IL1RAPL2: variants seen among roughly 807,000 people sequenced by gnomAD.
IL1RAPL2 encodes the protein interleukin 1 receptor accessory protein like 2.
A neutral mutation model predicts 44.1 loss-of-function variants in IL1RAPL2; 3 were observed. The ratio of observed to expected loss-of-function variants is 0.07; its 90% CI spans 0.03 to 0.18. IL1RAPL2 has a LOEUF of 0.18. IL1RAPL2 is among the 10% of genes least tolerant of loss of function. The pLI, the probability that IL1RAPL2 is intolerant of heterozygous loss-of-function variation, is 1.00. For synonymous variants in IL1RAPL2, 181 were observed against 178.8 expected, an observed-to-expected ratio of 1.01 and a Z score of -0.10; for missense variants, 391 against 496.4, an observed-to-expected ratio of 0.79 and a Z score of 2.02.
chrX:105,082,437 C>T (rs771273150), intron 2 of IL1RAPL2, among the ~76,000 whole-genome samples: 11 of 111,088 alleles, frequency 9.9e-5, no homozygotes, highest in Middle Eastern at 4.6e-3. Flanking sequence ...GGGTTCACAG[C>T]GTTCAAACTT....
At position 105,286,504 on chromosome X, in the gene IL1RAPL2, A is replaced by G. The variant is rs923411023; in HGVS notation, c.697+18963A>G. ...AAAAACGAAGATGCTTTATACTACT[A>G]CTATCACCATTAATCTACTTTGTAT... On this transcript the variant is annotated intron_variant, in intron 5 of 10. Transcript: ENST00000372582. Among the ~76,000 whole-genome samples the G allele has an allele frequency of 3.6e-5, 4 of 109,694 alleles. No homozygotes were observed. The East Asian group carries it at 1.1e-3, about 31-fold the overall frequency.
intron 2 of IL1RAPL2, among the ~76,000 whole-genome samples, chrX:105,064,216 C>T (rs756933166): frequency 2.7e-5 from 3 of 111,955 alleles, no homozygotes; most frequent in South Asian, 7.5e-4. Flanking sequence ...AAATATACCT[C>T]GTGTTCTATT....
intron 2 of IL1RAPL2, among the ~76,000 whole-genome samples, chrX:104,897,012 G>C (rs773944045): frequency 8.9e-6 from 1 of 111,739 alleles, no homozygotes; most frequent in Non-Finnish European, 1.9e-5. Context: ...ACATCTGAAG[G>C]AATGAACTCT....
At chrX:104,645,854 A>G (rs1930027435) in intron 1 of IL1RAPL2, among the ~76,000 whole-genome samples, 1 of 112,626 alleles carries the variant, frequency 8.9e-6, no homozygotes, top group Non-Finnish European at 1.9e-5. Flanking sequence ...AGAATGATAT[A>G]TCACTATGAA....
chrX:104,599,237 T>C (rs958488775), intron 1 of IL1RAPL2, among the ~76,000 whole-genome samples: 1 of 111,333 alleles, frequency 9.0e-6, no homozygotes, highest in African/African-American at 3.3e-5. Context: ...TGGGGAACTA[T>C]TGATTTTAAA....
intron 2 of IL1RAPL2, among the ~76,000 whole-genome samples, chrX:104,884,110 C>A (rs1419174334): frequency 1.8e-5 from 2 of 109,304 alleles, no homozygotes; most frequent in Non-Finnish European, 3.8e-5. Flanking sequence ...GGAGGACAGG[C>A]AAGGGTGCAG....
At chrX:104,845,260 A>G (rs1031990976) in intron 2 of IL1RAPL2, among the ~76,000 whole-genome samples, 1 of 112,056 alleles carries the variant, frequency 8.9e-6, no homozygotes, top group African/African-American at 3.2e-5. Context: ...TGTTGATGTG[A>G]TATTTCCTCA....
intron 2 of IL1RAPL2, among the ~76,000 whole-genome samples, chrX:105,186,185 C>G (rs2033584934): frequency 9.0e-6 from 1 of 111,037 alleles, no homozygotes. Context: ...AACCAATCCC[C>G]TGTGGATACT....
intron 2 of IL1RAPL2, among the ~76,000 whole-genome samples, chrX:104,950,949 C>A (rs750115698): frequency 9.0e-6 from 1 of 110,803 alleles, no homozygotes; most frequent in South Asian, 3.8e-4. Flanking sequence ...TTCCAGGTGC[C>A]GTCTGTCACC....
chrX:105,187,602 ATAT>A (rs1338138625), intron 2 of IL1RAPL2, among the ~76,000 whole-genome samples: 4 of 111,952 alleles, frequency 3.6e-5, no homozygotes, highest in African/African-American at 1.3e-4. Context: ...AACCTGGAGG[ATAT>A]TATGTTAAGT....
intron 6 of IL1RAPL2, among the ~76,000 whole-genome samples, chrX:105,504,060 C>T (rs1210910976): frequency 8.9e-6 from 1 of 111,869 alleles, no homozygotes; most frequent in Non-Finnish European, 1.9e-5. Context: ...AGTCATAGCA[C>T]CATACCTACT....
chrX:104,720,897 G>C lies in IL1RAPL2; in HGVS notation c.82+61902G>C, dbSNP rs767893150. ...GGGCATGAACAGGCACTACTCAAAAGAAGACATTCATGTGGCCAGCATATG... is the reference window on the plus strand; with the variant it reads ...GGGCATGAACAGGCACTACTCAAAACAAGACATTCATGTGGCCAGCATATG... On this transcript the variant is annotated intron_variant, in intron 2 of 10. Transcript: ENST00000372582. Among the ~76,000 whole-genome samples the C allele has an allele frequency of 7.2e-5, 8 of 111,459 alleles. No individual in the cohort carries two copies. The South Asian group carries it at 2.6e-3, about 37-fold the overall frequency.
chrX:104,728,846 T>C (rs774850441), intron 2 of IL1RAPL2, among the ~76,000 whole-genome samples: 71 of 111,937 alleles, frequency 6.3e-4, no homozygotes, highest in Admixed American at 6.0e-3. Context: ...ACTCAGTTTG[T>C]GGTACATTGT....
At chrX:104,613,674 C>G (rs905072048) in intron 1 of IL1RAPL2, among the ~76,000 whole-genome samples, 1 of 110,666 alleles carries the variant, frequency 9.0e-6, no homozygotes, top group African/African-American at 3.3e-5. Flanking sequence ...CAGAATGATG[C>G]TGGCTTTGTA....
intron 2 of IL1RAPL2, among the ~76,000 whole-genome samples, chrX:104,694,475 T>G (rs1245508297): frequency 3.6e-5 from 4 of 112,040 alleles, no homozygotes; most frequent in Non-Finnish European, 7.5e-5. Flanking sequence ...TTATTCTAGT[T>G]GATGTCACTT....
intron 2 of IL1RAPL2, among the ~76,000 whole-genome samples, chrX:105,022,159 C>T (rs1004011836): frequency 1.8e-5 from 2 of 110,654 alleles, no homozygotes; most frequent in Non-Finnish European, 3.8e-5. Context: ...TACATATATA[C>T]ACACATTATA....
chrX:104,874,279 C>CCT (rs59789265), intron 2 of IL1RAPL2, among the ~76,000 whole-genome samples: 6,560 of 76,181 alleles, frequency 0.086, 568 homozygotes, highest in African/African-American at 0.24. Flanking sequence ...TGTCTGTATT[C>CCT]CTCTCTCTCT....
intron 1 of IL1RAPL2, among the ~76,000 whole-genome samples, chrX:104,608,739 GTA>G (rs1198553642): frequency 5.3e-5 from 5 of 93,679 alleles, no homozygotes; most frequent in African/African-American, 2.1e-4. Flanking sequence ...GAGCCTGTGT[GTA>G]TCTTTGCACA....
chrX:105,435,758 T>C (rs2035877533), intron 5 of IL1RAPL2, among the ~76,000 whole-genome samples: 1 of 111,481 alleles, frequency 9.0e-6, no homozygotes, highest in African/African-American at 3.3e-5. Context: ...TGGATGAAGC[T>C]GGAAGCCATC....
Sources: allele counts gnomAD v4.1 joint callset (sites outside exome capture counted in the v4.1 genomes callset), GRCh38; gene constraint gnomAD v4.1.1; transcripts MANE v1.5; gene names NCBI Gene and HGNC (gene_info 2026-07-23, HGNC 2026-07-21).